SYNPO: variants seen among roughly 807,000 people sequenced by gnomAD.
The protein encoded by SYNPO is synaptopodin.
In SYNPO, 19 loss-of-function variants were observed where a neutral mutation model predicts 49.5. The ratio of observed to expected loss-of-function variants is 0.38; its 90% CI spans 0.27 to 0.56. The LOEUF (loss-of-function observed/expected upper bound fraction) is 0.56, where lower values mean the gene tolerates loss of function less well. Ranked by LOEUF, SYNPO falls within the 20% of genes least tolerant of loss-of-function variation. The pLI, the probability that SYNPO is intolerant of heterozygous loss-of-function variation, is 0.68. For missense variants in SYNPO, 1,131 were observed against 1,248.3 expected, an observed-to-expected ratio of 0.91 and a Z score of 1.42; for synonymous variants, 536 against 548.0, an observed-to-expected ratio of 0.98 and a Z score of 0.31.
At chr5:150,621,102 G>A (rs11957703) in intron 2 of SYNPO, among the ~76,000 whole-genome samples, 2,364 of 151,758 alleles carry the variant, frequency 0.016, 70 homozygotes, top group African/African-American at 0.054. Flanking sequence ...ACAGGTGCCC[G>A]CCACCATGCC....
chr5:150,635,787 C>T (rs982405266), upstream of SYNPO, among the ~76,000 whole-genome samples: 1 of 152,158 alleles, frequency 6.6e-6, no homozygotes, highest in Admixed American at 6.5e-5. Flanking sequence ...TCGTGTCCTA[C>T]CTCCACATTA....
At chr5:150,637,306 C>G (rs1757749069), upstream of SYNPO, among the ~76,000 whole-genome samples, 1 of 152,170 alleles carries the variant, frequency 6.6e-6, no homozygotes. Context: ...ATCACAAAAC[C>G]TTTCTTTTTG....
chr5:150,643,478 G>C (rs974685215), intron 1 of SYNPO, among the ~76,000 whole-genome samples: 1 of 152,162 alleles, frequency 6.6e-6, no homozygotes. Context: ...TGTCCCAAGG[G>C]GATCTGATGT....
the SYNPO span, among the ~76,000 whole-genome samples, chr5:150,587,467 G>A: frequency 6.6e-6 from 1 of 152,042 alleles, no homozygotes; most frequent in African/African-American, 2.4e-5. Flanking sequence ...AATGGATGCT[G>A]GGTAGGTAGG....
chr5:150,596,692 G>A (rs1421810174), upstream of SYNPO, among the ~76,000 whole-genome samples: 1 of 152,138 alleles, frequency 6.6e-6, no homozygotes, highest in Admixed American at 6.5e-5. Flanking sequence ...CCACAGCCCA[G>A]GGTACCTTCT....
chr5:150,651,732 AC>A (rs1446904352), intron 2 of SYNPO: 1 of 1,000,374 alleles, frequency 1.0e-6, no homozygotes, highest in Non-Finnish European at 1.2e-6. Context: ...GGGACTTGAG[AC>A]CTGGATTCTA....
At chr5:150,605,208 G>A (rs530068798) in intron 1 of SYNPO, among the ~76,000 whole-genome samples, 9 of 152,286 alleles carry the variant, frequency 5.9e-5, no homozygotes, top group African/African-American at 2.2e-4. Flanking sequence ...GAGTAGTGAG[G>A]TTGGACGGTC....
At chr5:150,638,304 G>A (rs1038449724), upstream of SYNPO, among the ~76,000 whole-genome samples, 3 of 151,978 alleles carry the variant, frequency 2.0e-5, no homozygotes, top group Admixed American at 6.6e-5. Flanking sequence ...TTCCCCTTAG[G>A]TCTAACACAG....
At chr5:150,613,851 T>C (rs760167381) in intron 1 of SYNPO, among the ~76,000 whole-genome samples, 6 of 152,210 alleles carry the variant, frequency 3.9e-5, no homozygotes, top group Non-Finnish European at 7.3e-5. Flanking sequence ...ACTTCTGCAA[T>C]GCACCTACTT....
At chr5:150,601,336 G>C (rs1183493036) in intron 1 of SYNPO, 2 of 152,260 alleles carry the variant, frequency 1.3e-5, no homozygotes, top group Non-Finnish European at 2.9e-5. Flanking sequence ...GGGCCTGGCT[G>C]TCTGGGACGG....
At chr5:150,640,583 T>A (rs1475473859), upstream of SYNPO, 1 of 921,328 alleles carries the variant, frequency 1.1e-6, no homozygotes, top group Non-Finnish European at 1.3e-6. Context: ...TCTGGCAGCG[T>A]GGGGCGGGTA....
intron 1 of SYNPO, among the ~76,000 whole-genome samples, chr5:150,601,342 G>A (rs890489606): frequency 3.9e-5 from 6 of 152,142 alleles, no homozygotes; most frequent in Non-Finnish European, 5.9e-5. Context: ...GGCTGTCTGG[G>A]ACGGAAATGC....
intron 2 of SYNPO, among the ~76,000 whole-genome samples, chr5:150,622,419 T>C (rs1757209372): frequency 6.6e-6 from 1 of 152,202 alleles, no homozygotes; most frequent in African/African-American, 2.4e-5. Flanking sequence ...TTGGAAGATT[T>C]TGCCAAGCCA....
the SYNPO span, among the ~76,000 whole-genome samples, chr5:150,595,581 G>A: frequency 6.6e-6 from 1 of 152,236 alleles, no homozygotes. Context: ...AGGCAGACAA[G>A]AGGTATGTAA....
chr5:150,604,736 C>T (rs906957332), intron 1 of SYNPO, among the ~76,000 whole-genome samples: 10 of 152,168 alleles, frequency 6.6e-5, no homozygotes, highest in Non-Finnish European at 1.0e-4. Flanking sequence ...CACGAGGTGG[C>T]GGCACAGAAG....
At chr5:150,633,850 G>A (rs1384973191) in intron 2 of SYNPO, among the ~76,000 whole-genome samples, 2 of 152,048 alleles carry the variant, frequency 1.3e-5, no homozygotes, top group Admixed American at 6.6e-5. Context: ...GGCTGTGTGC[G>A]GTGGCTCATT....
At chr5:150,618,482 G>A (rs1757043988) in exon 2 of SYNPO, 2 of 1,551,448 alleles carry the variant, frequency 1.3e-6, no homozygotes, top group South Asian at 1.2e-5. Flanking sequence ...GGAAGCCGAG[G>A]AGAGCAGCGG....
At chr5:150,617,182 G>A (rs1288703382) in intron 1 of SYNPO, among the ~76,000 whole-genome samples, 2 of 152,186 alleles carry the variant, frequency 1.3e-5, no homozygotes, top group East Asian at 3.8e-4. Context: ...TACAGACGGG[G>A]AAGTGGAGGT....
intron 2 of SYNPO, among the ~76,000 whole-genome samples, chr5:150,654,445 T>C (rs144523747): frequency 9.4e-4 from 143 of 152,010 alleles, no homozygotes; most frequent in African/African-American, 3.3e-3. Flanking sequence ...TTTTCATCAT[T>C]TGTAAAATGG....
Sources: allele counts gnomAD v4.1 joint callset (sites outside exome capture counted in the v4.1 genomes callset), GRCh38; gene constraint gnomAD v4.1.1; transcripts MANE v1.5; gene names NCBI Gene and HGNC (gene_info 2026-07-23, HGNC 2026-07-21).